GUCY2C: variants seen among roughly 807,000 people sequenced by gnomAD.
The protein encoded by GUCY2C is guanylyl cyclase C.
In GUCY2C, 118 loss-of-function variants were observed where a neutral mutation model predicts 131.1. That is an observed-to-expected ratio of 0.90 (90% CI 0.78 to 1.05). The LOEUF (loss-of-function observed/expected upper bound fraction) is 1.05. Ranked by LOEUF, GUCY2C falls within the 50% of genes least tolerant of loss-of-function variation. GUCY2C has a pLI of 0.00. For missense variants in GUCY2C, 1,161 were observed against 1,304.4 expected (o/e 0.89, Z 1.69); for synonymous variants, 452 against 457.8 (o/e 0.99, Z 0.16).
In GUCY2C at chr12:14,681,422, T is replaced by C; in HGVS notation, c.667A>G (p.Lys223Glu). 1 of 1,612,180 alleles carries C rather than the reference T, an allele frequency of 6.2e-7. No individual in the cohort carries two copies. The highest frequency in any genetic ancestry group is 8.5e-7 in the Non-Finnish European group (1 of 1,178,312). The change falls in exon 5 of 27, where the codon AAG becomes GAG. Residue 223 changes from lysine (K) to glutamate (E), a missense_variant. Coordinates refer to ENST00000261170, the MANE Select transcript of GUCY2C (RefSeq NM_004963.4). ...TCCTTATCTTGTCTTAACACCACCT[T>C]AAAGCCGAGTTCGTGGGAGAAATAG... ...VSYFSHELGF[K>E]VVLRQDKEFQ...
At chr12:14,630,218 TTGTC>T (rs777395269) in intron 19 of GUCY2C, among the ~76,000 whole-genome samples, 14 of 151,878 alleles carry the variant, frequency 9.2e-5, no homozygotes, top group South Asian at 4.2e-4. Flanking sequence ...TCCCTGTACT[TTGTC>T]TGAACAATTC....
intron 18 of GUCY2C, 69 bp from the exon 19 acceptor site, chr12:14,640,019 A>G: frequency 9.4e-7 from 1 of 1,061,480 alleles, no homozygotes; most frequent in Middle Eastern, 2.0e-4. Context: ...GAATTTCAAC[A>G]GAAATCCAGT....
intron 19 of GUCY2C, among the ~76,000 whole-genome samples, chr12:14,631,774 T>G (rs573408175): frequency 6.7e-6 from 1 of 150,000 alleles, no homozygotes; most frequent in Admixed American, 6.7e-5. Context: ...TCAAATGGTA[T>G]TTCTAGTTCT....
Position 14,641,691 on chromosome 12 carries a change from T to A in GUCY2C, c.1931-472A>T, listed in dbSNP as rs912526118. Among the ~76,000 whole-genome samples, 6 of 152,236 alleles carry A rather than the reference T, an allele frequency of 3.9e-5. No homozygotes were observed. The East Asian group carries it at 1.2e-3, about 29-fold the overall frequency. On this transcript the variant is annotated intron_variant, in intron 17 of 26. Transcript: ENST00000261170. ...TAGTGGCTTACGCTGGTAATCCCAG[T>A]ACTTTGGGAGGCCAAGGCAGGTGGA... is the stretch of plus-strand genomic sequence containing the variant.
Position 14,621,090 on chromosome 12 carries a change from C to G in GUCY2C, c.2728G>C (p.Glu910Gln). ...ILSFMGTFEL[E>Q]HLPGLPIWIR... ...CATATTGGGAGGCCAGGAAGATGCT[C>G]CAGCTCAAAGGTCCCCATGAAGCTG... The change falls in exon 23 of 27, where the codon GAG becomes CAG. Residue 910 changes from glutamate (E) to glutamine (Q), a missense_variant. Glu to Gln is a conservative substitution (Grantham distance 29). Transcript: ENST00000261170. The G allele has an allele frequency of 6.2e-7, 1 of 1,613,984 alleles. No individual in the cohort carries two copies. Among genetic ancestry groups the G allele is most frequent in the South Asian group, 1.1e-5 (1 of 91,084 alleles).
intron 19 of GUCY2C, among the ~76,000 whole-genome samples, chr12:14,639,072 G>A (rs1947339733): frequency 6.6e-6 from 1 of 151,718 alleles, no homozygotes; most frequent in South Asian, 2.1e-4. Flanking sequence ...CAAGGCAGGT[G>A]GGATCGCTTG....
At chr12:14,615,186 GT>G (rs921895155) in intron 25 of GUCY2C, among the ~76,000 whole-genome samples, 3 of 151,974 alleles carry the variant, frequency 2.0e-5, no homozygotes, top group Non-Finnish European at 4.4e-5. Flanking sequence ...TCAAAGTAGA[GT>G]TTTCTTTTTT....
Position 14,656,497 on chromosome 12 carries a change from T to A in GUCY2C, c.1470+15A>T, listed in dbSNP as rs751691529. The stretch of plus-strand genomic sequence containing the variant: ...CAAATTGAACCCATTCTTCAACAGG[T>A]AAGGTAGGCTTTACCTTGAGGCTAA... On this transcript the variant is annotated intron_variant, in intron 12 of 26. Coordinates refer to ENST00000261170, the MANE Select transcript of GUCY2C (RefSeq NM_004963.4). The A allele has an allele frequency of 1.5e-5, 20 of 1,293,116 alleles. No homozygotes were observed. Among genetic ancestry groups the A allele is most frequent in the Non-Finnish European group, 2.1e-5 (19 of 889,578 alleles). The allele number at this position is 1,293,116 out of a possible 1,614,324, so 80.1% of individuals were successfully genotyped here. A position where few individuals can be genotyped will look rare whatever the true frequency, so the allele number is the denominator to read the frequency against.
At chr12:14,636,002 A>G (rs1947261645) in intron 19 of GUCY2C, among the ~76,000 whole-genome samples, 1 of 152,202 alleles carries the variant, frequency 6.6e-6, no homozygotes, top group Non-Finnish European at 1.5e-5. Context: ...GAACTGGATG[A>G]CTTTACTGCT....
intron 7 of GUCY2C, 80 bp downstream of exon 7, chr12:14,676,774 A>G: frequency 5.1e-6 from 2 of 394,658 alleles, no homozygotes; most frequent in Non-Finnish European, 8.4e-6. Flanking sequence ...TTTGGGTCCT[A>G]AATGGAGAAA....
chr12:14,624,761 A>G (rs955028718), intron 21 of GUCY2C, among the ~76,000 whole-genome samples: 3 of 152,224 alleles, frequency 2.0e-5, no homozygotes, highest in African/African-American at 7.2e-5. Context: ...CAATAAAAAC[A>G]TCTACCAACT....
At chr12:14,653,134 C>A in intron 12 of GUCY2C, 120 bp from the exon 13 acceptor site, 1 of 789,142 alleles carries the variant, frequency 1.3e-6, no homozygotes, top group Non-Finnish European at 2.3e-6. Context: ...ACATGCTGGG[C>A]AAGCAGGCTT....
Position 14,661,064 on chromosome 12 carries a change from T to G in GUCY2C, c.1283-2A>C. 2 of 1,603,844 alleles carry G rather than the reference T, an allele frequency of 1.2e-6. No homozygotes were observed. The highest frequency in any genetic ancestry group is 3.3e-4 in the Middle Eastern group (2 of 6,036). On this transcript the variant is annotated splice_acceptor_variant, in intron 10 of 26. Coordinates refer to ENST00000261170, the MANE Select transcript of GUCY2C (RefSeq NM_004963.4). LOFTEE classifies it high-confidence loss of function. Reference sequence around the variant, plus strand: ...CTGCAATCATCAGGATCTGAGGGCCTGTGGCGGAAAATGCGTTAGGAAGGA... The same window carrying G: ...CTGCAATCATCAGGATCTGAGGGCCGGTGGCGGAAAATGCGTTAGGAAGGA...
intron 1 of GUCY2C, among the ~76,000 whole-genome samples, chr12:14,693,393 G>A (rs1024683803): frequency 6.6e-5 from 10 of 152,102 alleles, no homozygotes; most frequent in African/African-American, 1.9e-4. Context: ...TCATGAAGTC[G>A]AAGGAATCTC....
chr12:14,633,129 G>A (rs977507950), intron 19 of GUCY2C, among the ~76,000 whole-genome samples: 1 of 152,124 alleles, frequency 6.6e-6, no homozygotes, highest in Non-Finnish European at 1.5e-5. Flanking sequence ...GATCTGCCTA[G>A]ACCCACTAAC....
intron 9 of GUCY2C, among the ~76,000 whole-genome samples, chr12:14,671,867 AAACAT>A (rs529444649): frequency 2.3e-4 from 35 of 152,362 alleles, no homozygotes; most frequent in Non-Finnish European, 4.6e-4. Flanking sequence ...AATGTATGCG[AAACAT>A]AACATTATAT....
intron 11 of GUCY2C, among the ~76,000 whole-genome samples, chr12:14,659,756 G>A (rs1260007426): frequency 6.6e-6 from 1 of 152,182 alleles, no homozygotes; most frequent in Non-Finnish European, 1.5e-5. Flanking sequence ...TAAATGGTTT[G>A]CTAGTTTTCT....
chr12:14,651,385 G>T, intron 15 of GUCY2C, 22 bp downstream of exon 15: 1 of 1,071,894 alleles, frequency 9.3e-7, no homozygotes, highest in Non-Finnish European at 1.4e-6. Flanking sequence ...TTAGAAAATT[G>T]GAAATGACCA....
At position 14,625,868 on chromosome 12, in the gene GUCY2C, C is replaced by T. The variant is rs1352694817; in HGVS notation, c.2297G>A (p.Arg766Gln). ...KNESYMDTLI[R>Q]RLQLYSRNLE... Reference sequence around the variant, plus strand: ...GTTTCGAGAATATAGCTGTAGACGTCGGATCAAGGTATCCATATAGCTTTC... The same window carrying T: ...GTTTCGAGAATATAGCTGTAGACGTTGGATCAAGGTATCCATATAGCTTTC... Residue 766 changes from arginine to glutamine, a missense_variant, in exon 21 of 27, where the codon CGA (arginine) becomes CAA (glutamine). Physicochemically the swap from Arg to Gln is conservative, Grantham distance 43. Coordinates refer to ENST00000261170, the MANE Select transcript of GUCY2C (RefSeq NM_004963.4). The T allele has an allele frequency of 1.9e-6, 3 of 1,613,464 alleles. No homozygotes were observed. Among genetic ancestry groups the T allele is most frequent in the Non-Finnish European group, 2.5e-6 (3 of 1,179,578 alleles).
Sources: allele counts gnomAD v4.1 joint callset (sites outside exome capture counted in the v4.1 genomes callset), GRCh38; gene constraint gnomAD v4.1.1; transcripts MANE v1.5; gene names NCBI Gene and HGNC (gene_info 2026-07-23, HGNC 2026-07-21).